ZDHHC9: variants seen among roughly 807,000 people sequenced by gnomAD.
ZDHHC9 encodes the protein zDHHC palmitoyltransferase 9.
In ZDHHC9, 3 loss-of-function variants were observed where a neutral mutation model predicts 26.6. The observed-to-expected ratio is 0.11, with a 90% CI of 0.05 to 0.29. The LOEUF (loss-of-function observed/expected upper bound fraction) is 0.29, where lower values mean the gene tolerates loss of function less well. Ranked by LOEUF, ZDHHC9 falls within the 10% of genes least tolerant of loss-of-function variation. ZDHHC9 has a pLI of 1.00. For missense variants in ZDHHC9, 146 were observed against 296.4 expected (o/e 0.49, Z 3.73); for synonymous variants, 111 against 109.4 (o/e 1.01, Z -0.09).
At chrX:129,819,692 ATTAT>A (rs201812639) in intron 5 of ZDHHC9, among the ~76,000 whole-genome samples, 3 of 109,440 alleles carry the variant, frequency 2.7e-5, no homozygotes, top group African/African-American at 1.0e-4. Context: ...CGAATGTCCT[ATTAT>A]TTATTTATTT....
intron 8 of ZDHHC9, 147 bp downstream of exon 8, chrX:129,812,571 C>T (rs1437040045): frequency 3.7e-6 from 2 of 547,101 alleles, no homozygotes; most frequent in Non-Finnish European, 6.5e-6. Context: ...TTCTCTTCCA[C>T]ACATCTGACT....
intron 10 of ZDHHC9, 112 bp from the exon 11 acceptor site, chrX:129,806,598 A>G: frequency 6.4e-6 from 4 of 628,898 alleles, no homozygotes; most frequent in Non-Finnish European, 7.6e-6. Flanking sequence ...CACTGATGCT[A>G]CAGATATGCA....
chrX:129,828,668 G>GA (rs1928075774), intron 4 of ZDHHC9, among the ~76,000 whole-genome samples: 1 of 110,509 alleles, frequency 9.0e-6, no homozygotes, highest in South Asian at 3.8e-4. Context: ...CATTGCTTCA[G>GA]AAAAAAATGT....
intron 8 of ZDHHC9, among the ~76,000 whole-genome samples, chrX:129,812,085 CTTT>C: frequency 9.9e-6 from 1 of 101,510 alleles, no homozygotes; most frequent in Non-Finnish European, 2.0e-5. Context: ...TAATTGCTAA[CTTT>C]TTTTTTTTTT....
chrX:129,807,395 G>A (rs1442999535), intron 10 of ZDHHC9, among the ~76,000 whole-genome samples: 2 of 103,655 alleles, frequency 1.9e-5, no homozygotes, highest in African/African-American at 7.2e-5. Flanking sequence ...GCAGTGAGCC[G>A]AGATTGCGCC....
chrX:129,811,899 T>C (rs189690541), intron 8 of ZDHHC9, among the ~76,000 whole-genome samples: 87 of 111,805 alleles, frequency 7.8e-4, no homozygotes, highest in African/African-American at 2.8e-3. Flanking sequence ...TATACTATTT[T>C]TATTTAAAAG....
At chrX:129,840,783 CAG>C (rs1569323900) in intron 3 of ZDHHC9, among the ~76,000 whole-genome samples, 1 of 110,718 alleles carries the variant, frequency 9.0e-6, no homozygotes, top group South Asian at 3.9e-4. Flanking sequence ...GAAGCCCTCA[CAG>C]AAGGACAAAA....
chrX:129,841,863 C>T lies in ZDHHC9; in HGVS notation c.83G>A (p.Arg28His), dbSNP rs1165364635. 4 of 1,211,654 alleles carry T rather than the reference C, an allele frequency of 3.3e-6. No individual in the cohort carries two copies. Among genetic ancestry groups the T allele is most frequent in the African/African-American group, 1.7e-5 (1 of 57,740 alleles). ...GCCCTTTTGCCGGGCCATCATGACG[C>T]GGCCATCACAGCAAAAGGTGTTCCT... ...PGRNTFCCDG[R>H]VMMARQKGIF... Residue 28 changes from arginine (R) to histidine (H), a missense_variant, in exon 3 of 11, where the codon CGC (arginine) becomes CAC (histidine). Arg to His is a conservative substitution (Grantham distance 29, BLOSUM62 0). Around this residue, in one of 2 missense-constraint regions of ZDHHC9, gnomAD observed 100 missense variants for 250.0 expected, o/e 0.40. Coordinates refer to ENST00000357166, the MANE Select transcript of ZDHHC9 (RefSeq NM_016032.4).
intron 10 of ZDHHC9, among the ~76,000 whole-genome samples, chrX:129,810,515 A>T (rs1416332814): frequency 9.0e-6 from 1 of 111,394 alleles, no homozygotes; most frequent in Non-Finnish European, 1.9e-5. Context: ...CTCTAATACA[A>T]TCCCCTGACC....
chrX:129,823,245 C>A, intron 5 of ZDHHC9: 1 of 150,643 alleles, frequency 6.6e-6, no homozygotes, highest in Non-Finnish European at 1.3e-5. Context: ...AGCACAGTGC[C>A]CAATATGTAG....
rs1441443549 is a variant in ZDHHC9, at chrX:129,804,940, C to T, written c.*1430G>A. 6 of 101,196 alleles carry T rather than the reference C, an allele frequency of 5.9e-5. No individual in the cohort carries two copies. Among genetic ancestry groups the T allele is most frequent in the Non-Finnish European group, 1.2e-4 (6 of 50,660 alleles). The allele number at this position is 101,196 out of a possible 1,213,427, so 8.3% of individuals were successfully genotyped here. A position where few individuals can be genotyped will look rare whatever the true frequency, so the allele number is the denominator to read the frequency against. On this transcript the variant is annotated 3_prime_UTR_variant, in exon 11 of 11. Transcript: ENST00000357166. ...GGGGAAGGAGGAGGCAGGAAGTTTG[C>T]ATTAGACACAGTTTAATCGCCTTCA...
chrX:129,809,349 G>A (rs919352491), intron 10 of ZDHHC9, among the ~76,000 whole-genome samples: 1 of 112,366 alleles, frequency 8.9e-6, no homozygotes, highest in Non-Finnish European at 1.9e-5. Flanking sequence ...TAAATGAAAT[G>A]TGGTATATCC....
rs757136158 is a variant in ZDHHC9 at position 129,814,673 on chromosome X, C to T, written c.610G>A (p.Val204Ile). ...GTATACTCACTGAGGGCCACATAGA[C>T]GATGTTGAAGGCGAAGACATAGATT... ...LTIYVFAFNI[V>I]YVALKSLKIG... Residue 204 changes from valine to isoleucine, a missense_variant, in exon 6 of 11, where the codon GTC becomes ATC. Around this residue, in one of 2 missense-constraint regions of ZDHHC9, gnomAD observed 100 missense variants for 250.0 expected, o/e 0.40. Transcript: ENST00000357166. 8 of 1,209,133 alleles carry T rather than the reference C, an allele frequency of 6.6e-6. No individual in the cohort carries two copies. The highest frequency in any genetic ancestry group is 3.5e-5 in the African/African-American group (2 of 57,002).
Position 129,806,158 on chromosome X carries a change from G to A in ZDHHC9, c.*212C>T. On this transcript the variant is annotated 3_prime_UTR_variant, in exon 11 of 11. Transcript: ENST00000357166. ...AAGAGACCCATTTTTCCAGTTATCA[G>A]AGGTGACTGACATCTTCTGCCACTG... 2.2e-6 allele frequency: 1 copy of A among 461,664 alleles called. No homozygotes were observed. Among genetic ancestry groups the A allele is most frequent in the South Asian group, 3.0e-5 (1 of 33,389 alleles). 38.0% of individuals were successfully genotyped at this position (461,664 alleles called of 1,213,427 possible).
intron 5 of ZDHHC9, among the ~76,000 whole-genome samples, chrX:129,821,158 G>A (rs1927874848): frequency 8.9e-6 from 1 of 112,052 alleles, no homozygotes; most frequent in Non-Finnish European, 1.9e-5. Context: ...TGGCAAGGTT[G>A]CGGGGAAATA....
chrX:129,821,572 T>A (rs1444097624), intron 5 of ZDHHC9, among the ~76,000 whole-genome samples: 1 of 108,513 alleles, frequency 9.2e-6, no homozygotes, highest in African/African-American at 3.3e-5. Flanking sequence ...ATTACAGGTG[T>A]GAGCCACCGC....
chrX:129,811,870 A>C (rs1173689654), intron 8 of ZDHHC9, among the ~76,000 whole-genome samples: 1 of 111,656 alleles, frequency 9.0e-6, no homozygotes, highest in Non-Finnish European at 1.9e-5. Context: ...GAGTGAAAAA[A>C]GCAGATAACT....
intron 4 of ZDHHC9, among the ~76,000 whole-genome samples, chrX:129,828,715 T>C (rs1462739230): frequency 9.0e-6 from 1 of 111,261 alleles, no homozygotes; most frequent in African/African-American, 3.3e-5. Context: ...TAAAAAACCA[T>C]CCTCCTGGGA....
At chrX:129,828,105 C>T (rs1198403532) in intron 4 of ZDHHC9, among the ~76,000 whole-genome samples, 2 of 112,279 alleles carry the variant, frequency 1.8e-5, no homozygotes, top group African/African-American at 3.2e-5. Context: ...GCGTGAGCCA[C>T]AGCGCCCGGC....
Sources: gnomAD v4.1 joint callset for allele counts (sites outside exome capture counted in the v4.1 genomes callset) on GRCh38, gnomAD v4.1.1 for gene constraint, gnomAD v4.1.1 regional missense constraint, MANE v1.5 for transcripts, NCBI Gene and HGNC (gene_info 2026-07-23, HGNC 2026-07-21) for gene names.